The following ABTB3 variants were observed in gnomAD, a reference collection of about 807,000 sequenced individuals.
ABTB3 encodes ankyrin repeat and BTB domain containing 3.
the ABTB3 span, among the ~76,000 whole-genome samples, chr12:107,354,323 A>G: frequency 6.6e-6 from 1 of 151,866 alleles, no homozygotes; most frequent in Non-Finnish European, 1.5e-5. Context: ...CCATCATCAC[A>G]CTCCATCTTA....
the ABTB3 span, among the ~76,000 whole-genome samples, chr12:107,385,490 T>C: frequency 1.3e-5 from 2 of 152,264 alleles, no homozygotes; most frequent in African/African-American, 4.8e-5. Context: ...TATTTGATTG[T>C]AATTGATGAC....
chr12:107,365,714 G>C, the ABTB3 span, among the ~76,000 whole-genome samples: 1 of 152,226 alleles, frequency 6.6e-6, no homozygotes, highest in Admixed American at 6.5e-5. Flanking sequence ...GAGATGTGCT[G>C]TGATATTGGG....
chr12:107,580,773 T>G, the ABTB3 span: 1 of 1,456,312 alleles, frequency 6.9e-7, no homozygotes, highest in Non-Finnish European at 9.1e-7. Flanking sequence ...GCTGATTGGT[T>G]TTCCGCCGCT....
the ABTB3 span, among the ~76,000 whole-genome samples, chr12:107,375,867 A>T: frequency 6.6e-6 from 1 of 152,066 alleles, no homozygotes; most frequent in Admixed American, 6.5e-5. Context: ...CTTCCCTCCC[A>T]TCACCTTGGG....
At chr12:107,334,669 G>C in the ABTB3 span, among the ~76,000 whole-genome samples, 3 of 152,134 alleles carry the variant, frequency 2.0e-5, no homozygotes, top group African/African-American at 7.2e-5. Context: ...TTTGGGAGTT[G>C]AGAGCATGTG....
the ABTB3 span, among the ~76,000 whole-genome samples, chr12:107,370,971 G>T: frequency 1.3e-5 from 2 of 151,974 alleles, no homozygotes; most frequent in Non-Finnish European, 2.9e-5. Context: ...GCAGCCCTCA[G>T]AGGGCGTTTA....
the ABTB3 span, among the ~76,000 whole-genome samples, chr12:107,471,638 A>G: frequency 6.6e-6 from 1 of 152,138 alleles, no homozygotes; most frequent in Non-Finnish European, 1.5e-5. Context: ...ACAAATGAGG[A>G]GCATTACAAA....
the ABTB3 span, among the ~76,000 whole-genome samples, chr12:107,530,885 T>G: frequency 4.6e-5 from 7 of 152,170 alleles, no homozygotes; most frequent in Non-Finnish European, 1.0e-4. Flanking sequence ...AGTCAGGAGT[T>G]ATGAGTAGTT....
chr12:107,467,219 C>T, the ABTB3 span, among the ~76,000 whole-genome samples: 1 of 152,056 alleles, frequency 6.6e-6, no homozygotes, highest in African/African-American at 2.4e-5. Flanking sequence ...AGTTGAGGTG[C>T]CTTGACCACC....
At chr12:107,472,307 T>C in the ABTB3 span, among the ~76,000 whole-genome samples, 39,021 of 151,948 alleles carry the variant, frequency 0.26, 5,617 homozygotes, top group African/African-American at 0.4. Context: ...AAGGGAGCTA[T>C]GATGGGAGCT....
chr12:107,580,047 C>T, the ABTB3 span, among the ~76,000 whole-genome samples: 4 of 152,152 alleles, frequency 2.6e-5, no homozygotes, highest in Non-Finnish European at 5.9e-5. Flanking sequence ...GTCCGCAGAC[C>T]AGTAGCATCC....
chr12:107,485,632 A>G, the ABTB3 span, among the ~76,000 whole-genome samples: 2 of 152,274 alleles, frequency 1.3e-5, no homozygotes, highest in African/African-American at 4.8e-5. Context: ...CAACCACTCT[A>G]CCAGACCAAA....
the ABTB3 span, among the ~76,000 whole-genome samples, chr12:107,450,176 T>G: frequency 2.0e-5 from 3 of 152,190 alleles, no homozygotes; most frequent in Admixed American, 6.5e-5. Flanking sequence ...TTCTTTCTTA[T>G]GACTTTTTTC....
At chr12:107,399,827 T>C in the ABTB3 span, among the ~76,000 whole-genome samples, 1 of 152,110 alleles carries the variant, frequency 6.6e-6, no homozygotes, top group African/African-American at 2.4e-5. Context: ...CCTAATACTC[T>C]CCCTCCCCTT....
chr12:107,608,129 G>A, the ABTB3 span, among the ~76,000 whole-genome samples: 1 of 152,292 alleles, frequency 6.6e-6, no homozygotes, highest in African/African-American at 2.4e-5. Flanking sequence ...CTCTGGGCAA[G>A]GGTGGTGCAT....
chr12:107,486,977 A>C, the ABTB3 span, among the ~76,000 whole-genome samples: 216 of 152,310 alleles, frequency 1.4e-3, no homozygotes, highest in African/African-American at 4.8e-3. Context: ...CTGGCAGTCC[A>C]TTCACCATTT....
At chr12:107,481,148 T>C in the ABTB3 span, among the ~76,000 whole-genome samples, 3 of 152,254 alleles carry the variant, frequency 2.0e-5, no homozygotes, top group East Asian at 1.9e-4. Context: ...ATGGTATCAA[T>C]AGTACCAAGG....
At chr12:107,483,847 T>C in the ABTB3 span, among the ~76,000 whole-genome samples, 1 of 152,074 alleles carries the variant, frequency 6.6e-6, no homozygotes, top group African/African-American at 2.4e-5. Flanking sequence ...CCAGTATGCT[T>C]GGCTAATTTT....
At chr12:107,520,479 G>C in the ABTB3 span, 1 of 1,612,190 alleles carries the variant, frequency 6.2e-7, no homozygotes, top group Non-Finnish European at 8.5e-7. Flanking sequence ...TCTCCCTTCT[G>C]ACTGCAGGGG....
Sources: allele counts gnomAD v4.1 joint callset (sites outside exome capture counted in the v4.1 genomes callset), GRCh38; gene constraint gnomAD v4.1.1; transcripts MANE v1.5; gene names NCBI Gene and HGNC (gene_info 2026-07-23, HGNC 2026-07-21).